Variants in ANKFN1 observed in about 807,000 individuals in gnomAD.
ANKFN1 encodes the protein ankyrin repeat and fibronectin type-III domain-containing protein 1.
In ANKFN1, 74 loss-of-function variants were observed where a neutral mutation model predicts 108.7. The ratio of observed to expected loss-of-function variants is 0.68; its 90% CI spans 0.56 to 0.83. The LOEUF (loss-of-function observed/expected upper bound fraction) is 0.83, where lower values mean the gene tolerates loss of function less well. Among genes scored for constraint, ANKFN1 ranks in the 40% least tolerant of loss-of-function variants. The pLI is 0.00. For missense variants in ANKFN1, 1,505 were observed against 1,382.3 expected, an observed-to-expected ratio of 1.09 and a Z score of -1.41; for synonymous variants, 547 against 516.2, an observed-to-expected ratio of 1.06 and a Z score of -0.81.
intron 1 of ANKFN1, among the ~76,000 whole-genome samples, chr17:56,189,401 ACCTCGTGATCCGCCCG>A (rs1334728628): frequency 6.7e-6 from 1 of 150,182 alleles, no homozygotes; most frequent in Non-Finnish European, 1.5e-5. Flanking sequence ...CGATCTCCTG[ACCTCGTGATCCGCCCG>A]CCTCGGCCTC....
At chr17:56,433,401 A>T (rs1395413830) in intron 8 of ANKFN1, among the ~76,000 whole-genome samples, 2 of 152,038 alleles carry the variant, frequency 1.3e-5, no homozygotes, top group Non-Finnish European at 2.9e-5. Flanking sequence ...TATTTCCTCA[A>T]TTTTTTGTGC....
At chr17:56,352,740 A>G (rs1034331669) in intron 5 of ANKFN1, among the ~76,000 whole-genome samples, 2 of 152,166 alleles carry the variant, frequency 1.3e-5, no homozygotes, top group Non-Finnish European at 2.9e-5. Context: ...CCTGAACACT[A>G]CCACTTGGAC....
At chr17:56,290,479 C>G (rs558726159) in intron 3 of ANKFN1, among the ~76,000 whole-genome samples, 4 of 152,234 alleles carry the variant, frequency 2.6e-5, no homozygotes, top group African/African-American at 9.6e-5. Context: ...CTCTTTAGAT[C>G]GAATCTATAT....
At chr17:56,320,134 G>T (rs912497870) in intron 3 of ANKFN1, among the ~76,000 whole-genome samples, 2 of 152,150 alleles carry the variant, frequency 1.3e-5, no homozygotes, top group African/African-American at 2.4e-5. Context: ...AGATACCATT[G>T]CATGGCACAT....
chr17:56,093,623 C>T (rs1188990024), intron 4 of ANKFN1, among the ~76,000 whole-genome samples: 2 of 151,428 alleles, frequency 1.3e-5, no homozygotes, highest in Non-Finnish European at 3.0e-5. Flanking sequence ...AGTGCTACAA[C>T]TTGCCTTCTG....
chr17:56,504,941 G>A (rs2051504195), intron 20 of ANKFN1, among the ~76,000 whole-genome samples: 1 of 151,560 alleles, frequency 6.6e-6, no homozygotes, highest in African/African-American at 2.4e-5. Context: ...CCAAAGTGCT[G>A]GGATTACAGG....
At chr17:56,200,707 A>G (rs1913976597) in intron 1 of ANKFN1, among the ~76,000 whole-genome samples, 1 of 152,184 alleles carries the variant, frequency 6.6e-6, no homozygotes, top group Non-Finnish European at 1.5e-5. Flanking sequence ...TTACTGTAGT[A>G]TAATAATCAG....
At position 56,480,764 on chromosome 17, in the gene ANKFN1, G is replaced by A. The variant is rs762568737; in HGVS notation, c.2037G>A (p.Glu679=). ...SDCPMQLFFY[E]LQMAVKALLQ... ...GCCCCATGCAATTGTTCTTCTACGAGCTCCAGATGGCAGTGAAAGCTCTCC... is the reference window on the plus strand; with the variant it reads ...GCCCCATGCAATTGTTCTTCTACGAACTCCAGATGGCAGTGAAAGCTCTCC... Residue 679 remains glutamate (E), a synonymous_variant, in exon 17 of 21, where the codon GAG becomes GAA. Coordinates refer to ENST00000682825, the MANE Select transcript of ANKFN1 (RefSeq NM_001370326.1). The A allele has an allele frequency of 2.5e-6, 4 of 1,614,026 alleles. No individual in the cohort carries two copies.
intron 4 of ANKFN1, among the ~76,000 whole-genome samples, chr17:56,126,497 C>T (rs1434921542): frequency 6.6e-6 from 1 of 152,132 alleles, no homozygotes; most frequent in Non-Finnish European, 1.5e-5. Flanking sequence ...CATATGTTTA[C>T]CTTTTGCTGA....
intron 3 of ANKFN1, among the ~76,000 whole-genome samples, chr17:56,282,902 A>G (rs1458795311): frequency 6.6e-6 from 1 of 152,240 alleles, no homozygotes; most frequent in Non-Finnish European, 1.5e-5. Context: ...ACTGGAAATC[A>G]CATCCTTTTT....
chr17:56,370,075 G>A (rs1317768232), intron 6 of ANKFN1, among the ~76,000 whole-genome samples: 1 of 152,078 alleles, frequency 6.6e-6, no homozygotes, highest in Non-Finnish European at 1.5e-5. Flanking sequence ...TGTTTTTAGA[G>A]GTGATCATTG....
At chr17:56,308,819 A>G (rs939870825) in intron 3 of ANKFN1, among the ~76,000 whole-genome samples, 2 of 152,180 alleles carry the variant, frequency 1.3e-5, no homozygotes, top group African/African-American at 4.8e-5. Context: ...GCATCAATTG[A>G]TATGATTATG....
intron 1 of ANKFN1, among the ~76,000 whole-genome samples, chr17:56,176,466 T>A (rs897817900): frequency 6.6e-6 from 1 of 152,082 alleles, no homozygotes; most frequent in African/African-American, 2.4e-5. Flanking sequence ...GGGATCGGAG[T>A]GTTTGTTATA....
At chr17:56,445,003 C>T (rs1407405369) in intron 10 of ANKFN1, among the ~76,000 whole-genome samples, 1 of 152,150 alleles carries the variant, frequency 6.6e-6, no homozygotes, top group South Asian at 2.1e-4. Context: ...CCCTAAGGTC[C>T]CTGACTCTCC....
intron 1 of ANKFN1, among the ~76,000 whole-genome samples, chr17:56,182,436 G>A (rs1162769726): frequency 1.3e-5 from 2 of 152,146 alleles, no homozygotes; most frequent in Non-Finnish European, 2.9e-5. Context: ...TAGTGGTTTG[G>A]ATAGAAAATC....
rs189750718 is a variant in ANKFN1 at position 56,513,579 on chromosome 17, G to A, written c.*2310G>A. Among the ~76,000 whole-genome samples the A allele has an allele frequency of 1.3e-5, 2 of 152,318 alleles. No homozygotes were observed. Among genetic ancestry groups the A allele is most frequent in the Admixed American group, 1.3e-4 (2 of 15,304 alleles). On this transcript the variant is annotated 3_prime_UTR_variant, in exon 21 of 21. Transcript: ENST00000682825. ...ATTCTGGTGGCATAGGAGGAAGTTT[G>A]TGACTGAATCAGGTGGGAGGCATTC...
intron 3 of ANKFN1, among the ~76,000 whole-genome samples, chr17:56,242,499 G>A (rs1917660334): frequency 1.3e-5 from 2 of 151,794 alleles, no homozygotes; most frequent in African/African-American, 2.4e-5. Context: ...TTGCTATCTA[G>A]GAATACAATT....
At chr17:56,476,559 A>G (rs1320223782) in intron 15 of ANKFN1, among the ~76,000 whole-genome samples, 2 of 152,246 alleles carry the variant, frequency 1.3e-5, no homozygotes, top group African/African-American at 2.4e-5. Flanking sequence ...AAAATCTTGT[A>G]AAAGATACAG....
intron 14 of ANKFN1, 113 bp downstream of exon 14, chr17:56,458,092 C>T (rs989164497): frequency 9.5e-6 from 8 of 840,086 alleles, no homozygotes; most frequent in Non-Finnish European, 3.7e-6. Context: ...TCTTTCAGAC[C>T]CCTAAGAATA....
Sources: allele counts gnomAD v4.1 joint callset (sites outside exome capture counted in the v4.1 genomes callset), GRCh38; gene constraint gnomAD v4.1.1; transcripts MANE v1.5; gene names NCBI Gene and HGNC (gene_info 2026-07-23, HGNC 2026-07-21).